UTRN: variants seen among roughly 807,000 people sequenced by gnomAD.
UTRN encodes the protein utrophin.
In UTRN, 283 loss-of-function variants were observed where a neutral mutation model predicts 463.9. That is an observed-to-expected ratio of 0.61 (90% CI 0.55 to 0.67). UTRN has a LOEUF of 0.67. UTRN is among the 30% of genes least tolerant of loss of function. The probability of loss-of-function intolerance (pLI) is 0.00; values close to 1 mark genes in which losing one functional copy is unlikely to be tolerated. For synonymous variants in UTRN, 1,442 were observed against 1,431.5 expected (o/e 1.01, Z -0.17); for missense variants, 3,922 against 4,084.3 (o/e 0.96, Z 1.08).
intron 14 of UTRN, among the ~76,000 whole-genome samples, chr6:144,446,978 A>G (rs1787756327): frequency 6.6e-6 from 1 of 152,164 alleles, no homozygotes; most frequent in Non-Finnish European, 1.5e-5. Context: ...TTAGTTCCCT[A>G]GGTATGAGGC....
In UTRN at chr6:144,511,070, G is replaced by A. The variant is rs1192903536; in HGVS notation, c.4891G>A (p.Ala1631Thr). Residue 1631 changes from alanine to threonine, a missense_variant, in exon 35 of 75, where the codon GCT becomes ACT. Ala to Thr is a moderately conservative substitution (Grantham distance 58). This residue lies in a region of UTRN where 2,349 missense variants were observed against 2,303.8 expected (regional missense o/e 1.02). Transcript: ENST00000367545. ...ILEERLCVLN[A>T]GWSRVRTWTE... Reference sequence around the variant, plus strand: ...AGAAGAGAGGCTCTGCGTCCTTAACGCTGGGTGGAGCCGAGTTCGTACCTG... The same window carrying A: ...AGAAGAGAGGCTCTGCGTCCTTAACACTGGGTGGAGCCGAGTTCGTACCTG... The A allele has an allele frequency of 3.1e-6, 5 of 1,610,774 alleles. No homozygotes were observed. Among genetic ancestry groups the A allele is most frequent in the Middle Eastern group, 1.7e-4 (1 of 6,048 alleles).
intron 27 of UTRN, among the ~76,000 whole-genome samples, chr6:144,484,858 T>C (rs953054250): frequency 2.0e-5 from 3 of 152,148 alleles, no homozygotes; most frequent in Admixed American, 6.5e-5. Flanking sequence ...GGCAGCCTCT[T>C]GCCCACTCTT....
At position 144,700,130 on chromosome 6, in the gene UTRN, A is replaced by G. The variant is rs1180604332; in HGVS notation, c.7696A>G (p.Met2566Val). Residue 2566 changes from methionine (M) to valine (V), a missense_variant, in exon 53 of 75, where the codon ATG becomes GTG. By Grantham distance (21) the Met-to-Val change is conservative (BLOSUM62 1). Around this residue, in one of 3 missense-constraint regions of UTRN, gnomAD observed 1,309 missense variants for 1,452.6 expected, o/e 0.90. Transcript: ENST00000367545. Reference sequence around the variant, plus strand: ...CGCTGAGAAGTGGAACAGGTTGCTGATGTCCTTAGAAGAACTGATCAAATG... The same window carrying G: ...CGCTGAGAAGTGGAACAGGTTGCTGGTGTCCTTAGAAGAACTGATCAAATG... ...ASAEKWNRLL[M>V]SLEELIKWLN... 1 of 1,613,098 alleles carries G rather than the reference A, an allele frequency of 6.2e-7. No individual in the cohort carries two copies. Among genetic ancestry groups the G allele is most frequent in the Non-Finnish European group, 8.5e-7 (1 of 1,179,318 alleles).
chr6:144,796,310 C>T (rs1425636488), intron 63 of UTRN, among the ~76,000 whole-genome samples: 1 of 152,162 alleles, frequency 6.6e-6, no homozygotes, highest in African/African-American at 2.4e-5. Context: ...ATGACCTAAT[C>T]ATTTCCTAAA....
chr6:144,363,855 G>A (rs564264578), intron 2 of UTRN, among the ~76,000 whole-genome samples: 1 of 152,186 alleles, frequency 6.6e-6, no homozygotes, highest in Non-Finnish European at 1.5e-5. Flanking sequence ...ATAGGGGGTA[G>A]CTATAAAAAG....
intron 2 of UTRN, among the ~76,000 whole-genome samples, chr6:144,400,426 C>T (rs1440320793): frequency 6.6e-6 from 1 of 151,994 alleles, no homozygotes; most frequent in East Asian, 1.9e-4. Context: ...TTTAGTTGTC[C>T]TGTTACTCGT....
intron 51 of UTRN, among the ~76,000 whole-genome samples, chr6:144,585,377 T>G (rs1390157869): frequency 6.6e-6 from 1 of 152,160 alleles, no homozygotes; most frequent in Non-Finnish European, 1.5e-5. Flanking sequence ...ACTGCCTGAT[T>G]AACGCAATGA....
At chr6:144,544,971 C>T (rs1167125117) in intron 46 of UTRN, among the ~76,000 whole-genome samples, 1 of 152,048 alleles carries the variant, frequency 6.6e-6, no homozygotes, top group Non-Finnish European at 1.5e-5. Flanking sequence ...TACAGTATTA[C>T]ATAACATTGG....
At chr6:144,702,283 A>G (rs1784676988) in intron 53 of UTRN, among the ~76,000 whole-genome samples, 1 of 152,144 alleles carries the variant, frequency 6.6e-6, no homozygotes, top group East Asian at 1.9e-4. Context: ...GGTAACCTGG[A>G]TTTAGGTTGT....
intron 51 of UTRN, among the ~76,000 whole-genome samples, chr6:144,645,909 C>T (rs535749603): frequency 1.3e-5 from 2 of 152,140 alleles, no homozygotes; most frequent in South Asian, 2.1e-4. Context: ...TTCAGTGGTC[C>T]ATCACATTGA....
rs761406060 is a variant in UTRN, at chr6:144,542,854, A to G, written c.6579A>G (p.Ser2193=). The G allele has an allele frequency of 3.5e-5, 57 of 1,613,174 alleles. No homozygotes were observed. The South Asian group carries it at 5.9e-4, about 17-fold the overall frequency. Residue 2193 remains serine (S), a synonymous_variant, in exon 46 of 75, where the codon TCA becomes TCG. Transcript: ENST00000367545. ...GCATCCAGGAGCCCAGTTCTGTTTC[A>G]CAGACAAGGATTGCTGGTAAGATAT... ...KECIQEPSSV[S]QTRIAAHPNV...
chr6:144,581,302 A>T (rs1801945959), intron 51 of UTRN, among the ~76,000 whole-genome samples: 1 of 152,190 alleles, frequency 6.6e-6, no homozygotes, highest in African/African-American at 2.4e-5. Context: ...ATATTCTAAA[A>T]GATTGTTATT....
intron 46 of UTRN, among the ~76,000 whole-genome samples, chr6:144,546,478 T>C (rs565528745): frequency 2.0e-5 from 3 of 152,352 alleles, no homozygotes; most frequent in African/African-American, 7.2e-5. Context: ...AGCCATTATA[T>C]GTTAACAAAA....
intron 28 of UTRN, 91 bp from the exon 29 acceptor site, chr6:144,487,457 T>C (rs777613471): frequency 2.6e-5 from 33 of 1,287,894 alleles, no homozygotes; most frequent in Non-Finnish European, 3.3e-5. Flanking sequence ...AAAATATAAT[T>C]ACTTGTTTAA....
At chr6:144,508,757 A>G (rs1458207986) in intron 34 of UTRN, among the ~76,000 whole-genome samples, 2 of 152,076 alleles carry the variant, frequency 1.3e-5, no homozygotes, top group Non-Finnish European at 2.9e-5. Context: ...TCCAGTATTT[A>G]TTTTGGTGTA....
At chr6:144,298,879 A>G (rs1029821789) in intron 2 of UTRN, among the ~76,000 whole-genome samples, 1 of 152,226 alleles carries the variant, frequency 6.6e-6, no homozygotes, top group African/African-American at 2.4e-5. Context: ...TAATTTCAAA[A>G]GTATGATCTC....
intron 17 of UTRN, 29 bp downstream of exon 17, chr6:144,448,798 T>C: frequency 6.2e-7 from 1 of 1,608,788 alleles, no homozygotes. Flanking sequence ...ATTGTTCAAA[T>C]CCAATATTGC....
At chr6:144,490,831 G>T in intron 31 of UTRN, 98 bp from the exon 32 acceptor site, 1 of 1,351,990 alleles carries the variant, frequency 7.4e-7, no homozygotes, top group Non-Finnish European at 9.8e-7. Flanking sequence ...TTTTCTTTTG[G>T]TACTTTATGG....
chr6:144,456,658 A>G (rs1390766783), intron 19 of UTRN, among the ~76,000 whole-genome samples: 2 of 82,224 alleles, frequency 2.4e-5, no homozygotes, highest in East Asian at 4.8e-4. Context: ...TCTCAAAATA[A>G]TAATAATAAT....
Sources: allele counts gnomAD v4.1 joint callset (sites outside exome capture counted in the v4.1 genomes callset), GRCh38; gene constraint gnomAD v4.1.1; regional missense constraint gnomAD v4.1.1; transcripts MANE v1.5; gene names NCBI Gene and HGNC (gene_info 2026-07-23, HGNC 2026-07-21).